The following AOPEP variants were observed in gnomAD, a reference collection of about 807,000 sequenced individuals.
The protein encoded by AOPEP is aminopeptidase O (putative).
A neutral mutation model predicts 98.1 loss-of-function variants in AOPEP; 77 were observed. The ratio of observed to expected loss-of-function variants is 0.78; its 90% CI spans 0.65 to 0.95. The LOEUF is 0.95. Ranked by LOEUF, AOPEP falls within the 40% of genes least tolerant of loss-of-function variation. The pLI is 0.00. For missense variants in AOPEP, 1,024 were observed against 1,024.7 expected (o/e 1.00, Z 0.01); for synonymous variants, 346 against 365.3 (o/e 0.95, Z 0.60).
At chr9:94,967,355 G>T (rs1379047430) in intron 9 of AOPEP, among the ~76,000 whole-genome samples, 2 of 152,160 alleles carry the variant, frequency 1.3e-5, no homozygotes, top group African/African-American at 4.8e-5. Context: ...AGCAACGCAA[G>T]AGAGTTGCAG....
chr9:94,900,111 G>C (rs2050186967), intron 5 of AOPEP, among the ~76,000 whole-genome samples: 1 of 152,210 alleles, frequency 6.6e-6, no homozygotes, highest in African/African-American at 2.4e-5. Context: ...CACTGGGCAG[G>C]GGGGTCAGAG....
Position 94,760,398 on chromosome 9 carries a change from T to C in AOPEP, c.615T>C (p.Tyr205=), listed in dbSNP as rs367963020. ...PANRWREQLD[Y]YARCSQAPGC... ...ATCGTTGGAGGGAGCAGTTAGACTA[T>C]TACGCTCGCTGCAGCCAGGCTCCTG... Residue 205 remains tyrosine (Y), a synonymous_variant, in exon 2 of 17, where the codon TAT becomes TAC. Transcript: ENST00000375315. 1.2e-6 allele frequency: 2 copies of C among 1,613,978 alleles called. No individual in the cohort carries two copies. The highest frequency in any genetic ancestry group is 2.7e-5 in the African/African-American group (2 of 74,894).
chr9:94,863,597 G>A (rs928874662), intron 5 of AOPEP, among the ~76,000 whole-genome samples: 2 of 151,938 alleles, frequency 1.3e-5, no homozygotes, highest in African/African-American at 4.8e-5. Flanking sequence ...TGAATTTTTA[G>A]TAGAGACAGG....
At chr9:94,943,613 A>G (rs1589018087) in intron 7 of AOPEP, among the ~76,000 whole-genome samples, 1 of 147,708 alleles carries the variant, frequency 6.8e-6, no homozygotes, top group East Asian at 2.0e-4. Flanking sequence ...AAAAAAAGAA[A>G]AAAGAAAAAA....
intron 5 of AOPEP, among the ~76,000 whole-genome samples, chr9:94,885,004 G>A (rs1382558954): frequency 1.1e-5 from 1 of 89,342 alleles, no homozygotes; most frequent in Non-Finnish European, 2.1e-5. Flanking sequence ...GCGAGACTCC[G>A]TCTCAAAAAA....
intron 13 of AOPEP, among the ~76,000 whole-genome samples, chr9:95,046,361 G>T (rs577016841): frequency 1.1e-4 from 17 of 152,312 alleles, no homozygotes; most frequent in Non-Finnish European, 2.1e-4. Flanking sequence ...GGCTGATAGC[G>T]TAGGTACCTG....
intron 5 of AOPEP, among the ~76,000 whole-genome samples, chr9:94,838,709 T>G (rs1019160066): frequency 3.9e-5 from 6 of 152,208 alleles, no homozygotes; most frequent in Admixed American, 2.0e-4. Context: ...TTATTCCCAG[T>G]GTCTCTTCCA....
rs2069928083 is a variant in AOPEP at position 95,082,480 on chromosome 9, AGT to A, written c.2320-87_2320-86del. 20 of 1,377,430 alleles carry A rather than the reference AGT, an allele frequency of 1.5e-5. No individual in the cohort carries two copies. The South Asian group carries it at 2.7e-4, about 19-fold the overall frequency. 85.3% of individuals were successfully genotyped at this position (1,377,430 alleles called of 1,614,324 possible). A position where few individuals can be genotyped will look rare whatever the true frequency, so the allele number is the denominator to read the frequency against. ...GGTCTTTGCAATTTCTAGACCAGCA[AGT>A]GTGTGTGGAACAAGCACAGACTGAG... On this transcript the variant is annotated intron_variant, in intron 15 of 16. Transcript: ENST00000375315.
chr9:95,092,154 C>A (rs1399347682), downstream of AOPEP, among the ~76,000 whole-genome samples: 1 of 152,130 alleles, frequency 6.6e-6, no homozygotes, highest in African/African-American at 2.4e-5. Flanking sequence ...GACCTCTGAC[C>A]ACACAGTTCT....
chr9:94,926,816 G>A (rs142267452), intron 6 of AOPEP, among the ~76,000 whole-genome samples: 1 of 152,116 alleles, frequency 6.6e-6, no homozygotes, highest in East Asian at 1.9e-4. Context: ...TGGGTTGCGG[G>A]GGACATGTGA....
chr9:95,025,375 T>A (rs931336137), intron 13 of AOPEP, among the ~76,000 whole-genome samples: 41 of 152,220 alleles, frequency 2.7e-4, no homozygotes, highest in African/African-American at 8.9e-4. Context: ...ACGTGGCCCA[T>A]TGCTACTTCC....
intron 11 of AOPEP, among the ~76,000 whole-genome samples, chr9:94,987,016 T>G (rs2060564968): frequency 6.6e-6 from 1 of 152,216 alleles, no homozygotes; most frequent in African/African-American, 2.4e-5. Flanking sequence ...ATGGATGATA[T>G]TTGCAAGAGG....
chr9:94,984,704 A>G (rs933349389), intron 11 of AOPEP, among the ~76,000 whole-genome samples: 14 of 152,376 alleles, frequency 9.2e-5, no homozygotes, highest in African/African-American at 3.4e-4. Flanking sequence ...AGCAAATTTT[A>G]AAAGACACAT....
At chr9:94,868,027 T>A (rs1013552339) in intron 5 of AOPEP, among the ~76,000 whole-genome samples, 2 of 152,206 alleles carry the variant, frequency 1.3e-5, no homozygotes, top group Non-Finnish European at 2.9e-5. Context: ...GACAGAACAC[T>A]CTGGAGATTT....
intron 13 of AOPEP, among the ~76,000 whole-genome samples, chr9:95,015,073 T>C (rs2062865107): frequency 6.6e-6 from 1 of 152,194 alleles, no homozygotes; most frequent in South Asian, 2.1e-4. Context: ...CATGAGTATA[T>C]GATGCATTTT....
At chr9:95,031,198 C>T (rs957920004) in intron 13 of AOPEP, among the ~76,000 whole-genome samples, 2 of 152,150 alleles carry the variant, frequency 1.3e-5, no homozygotes, top group African/African-American at 2.4e-5. Flanking sequence ...TATAAATATG[C>T]GTGGCCAAAG....
At chr9:94,979,522 G>T (rs41281182) in intron 11 of AOPEP, 95 bp downstream of exon 11, 2 of 761,006 alleles carry the variant, frequency 2.6e-6, no homozygotes, top group Admixed American at 2.1e-5. Context: ...TAATATATGT[G>T]TAGGAAAGTA....
the AOPEP span, among the ~76,000 whole-genome samples, chr9:95,095,661 A>G: frequency 6.6e-6 from 1 of 152,170 alleles, no homozygotes; most frequent in Non-Finnish European, 1.5e-5. Flanking sequence ...TGGCAGACAC[A>G]GCCAAGGGAG....
chr9:95,060,371 G>A (rs1017470740), intron 13 of AOPEP, among the ~76,000 whole-genome samples: 5 of 152,142 alleles, frequency 3.3e-5, no homozygotes, highest in Non-Finnish European at 5.9e-5. Context: ...TGGTGTATGC[G>A]TGCTGTAAAG....
Sources: allele counts gnomAD v4.1 joint callset (sites outside exome capture counted in the v4.1 genomes callset), GRCh38; gene constraint gnomAD v4.1.1; transcripts MANE v1.5; gene names NCBI Gene and HGNC (gene_info 2026-07-23, HGNC 2026-07-21).